The following RIT2 variants were observed in gnomAD, a reference collection of about 807,000 sequenced individuals.
RIT2 encodes the protein Ras like without CAAX 2.
Under a neutral mutation model 23.7 loss-of-function variants are expected in RIT2, and 24 were observed. That is an observed-to-expected ratio of 1.01 (90% CI 0.73 to 1.43). The LOEUF is 1.43. RIT2 is among the 40% of genes most tolerant of loss of function. The pLI is 0.00. For missense variants in RIT2, 236 were observed against 266.9 expected, an observed-to-expected ratio of 0.88 and a Z score of 0.81; for synonymous variants, 107 against 91.1, an observed-to-expected ratio of 1.17 and a Z score of -0.99.
At chr18:42,948,973 GT>G in intron 3 of RIT2, 1 of 397,602 alleles carries the variant, frequency 2.5e-6, no homozygotes, top group Non-Finnish European at 4.4e-6. Flanking sequence ...AGCTTCATTG[GT>G]TTTTCAACTT....
chr18:42,948,660 C>T (rs149034220), intron 3 of RIT2, among the ~76,000 whole-genome samples: 477 of 152,200 alleles, frequency 3.1e-3, no homozygotes, highest in Non-Finnish European at 5.2e-3. Flanking sequence ...TTTGTTAATA[C>T]ATCCTTATCC....
chr18:42,994,663 G>A (rs187330536), intron 2 of RIT2, among the ~76,000 whole-genome samples: 3 of 152,128 alleles, frequency 2.0e-5, no homozygotes, highest in African/African-American at 2.4e-5. Context: ...CACAAGGACC[G>A]GGATCGCGTC....
At chr18:42,827,471 CAAACGCTTTTTTTA>C (rs1307441438) in intron 4 of RIT2, among the ~76,000 whole-genome samples, 1 of 151,614 alleles carries the variant, frequency 6.6e-6, no homozygotes, top group Non-Finnish European at 1.5e-5. Flanking sequence ...GTACAAAAAT[CAAACGCTTTTTTTA>C]AAACAAAGGA....
intron 4 of RIT2, among the ~76,000 whole-genome samples, chr18:42,833,490 T>A (rs1906517261): frequency 6.6e-6 from 1 of 152,204 alleles, no homozygotes; most frequent in African/African-American, 2.4e-5. Context: ...TCTTGTCTTT[T>A]TGAAAGAGAG....
At chr18:43,003,816 A>T in intron 2 of RIT2, among the ~76,000 whole-genome samples, 1 of 144,404 alleles carries the variant, frequency 6.9e-6, no homozygotes, top group Non-Finnish European at 1.5e-5. Context: ...ACACATTAAT[A>T]TTGCTCTCCT....
At position 43,033,837 on chromosome 18, in the gene RIT2, A is replaced by ATGACTGATG; in HGVS notation, c.133_134insCATCAGTCA (p.Phe45delinsSerSerValIle). On this transcript the variant is annotated protein_altering_variant, in exon 2 of 5. Transcript: ENST00000326695. ...TATAGTAGGGTCATGATAATCAGGG[A>ATGACTGATG]ACTGATGACTAATAAACTGCATTGT... The ATGACTGATG allele has an allele frequency of 1.2e-6, 2 of 1,609,672 alleles. No individual in the cohort carries two copies. Among genetic ancestry groups the ATGACTGATG allele is most frequent in the Non-Finnish European group, 1.7e-6 (2 of 1,176,780 alleles).
chr18:42,860,622 A>G (rs530502662), intron 4 of RIT2, among the ~76,000 whole-genome samples: 2 of 152,302 alleles, frequency 1.3e-5, no homozygotes, highest in South Asian at 4.1e-4. Flanking sequence ...TAGACTGAGA[A>G]TACCCTCTCT....
intron 4 of RIT2, among the ~76,000 whole-genome samples, chr18:42,824,028 T>G (rs1320775555): frequency 1.3e-5 from 2 of 152,142 alleles, no homozygotes; most frequent in Admixed American, 1.3e-4. Context: ...TCAGACAGTT[T>G]CCACTCATTT....
intron 3 of RIT2, among the ~76,000 whole-genome samples, chr18:42,949,251 G>A (rs1470023932): frequency 2.0e-5 from 3 of 152,016 alleles, no homozygotes; most frequent in African/African-American, 7.2e-5. Context: ...GAGGATGACG[G>A]GGAACTCTCT....
At chr18:42,773,761 A>G (rs927886958) in intron 4 of RIT2, among the ~76,000 whole-genome samples, 5 of 152,194 alleles carry the variant, frequency 3.3e-5, no homozygotes, top group Non-Finnish European at 7.4e-5. Context: ...CAATCAAGGA[A>G]GTTGAAGAAA....
intron 2 of RIT2, among the ~76,000 whole-genome samples, chr18:43,026,711 A>G (rs905950193): frequency 5.5e-4 from 84 of 151,550 alleles, no homozygotes; most frequent in Non-Finnish European, 2.8e-4. Flanking sequence ...ACCAGAAGTC[A>G]GCTTTGAACA....
intron 4 of RIT2, among the ~76,000 whole-genome samples, chr18:42,853,182 G>A (rs184215025): frequency 2.2e-4 from 34 of 152,184 alleles, no homozygotes; most frequent in Non-Finnish European, 4.6e-4. Flanking sequence ...GACACCTGTC[G>A]TGTATGCATA....
At chr18:42,832,872 G>A (rs1227343866) in intron 4 of RIT2, among the ~76,000 whole-genome samples, 3 of 151,780 alleles carry the variant, frequency 2.0e-5, no homozygotes, top group Non-Finnish European at 4.4e-5. Flanking sequence ...GGCCAACAAG[G>A]CGAAACCCCG....
At chr18:42,905,627 C>G (rs1165188938) in intron 4 of RIT2, among the ~76,000 whole-genome samples, 1 of 152,108 alleles carries the variant, frequency 6.6e-6, no homozygotes, top group Non-Finnish European at 1.5e-5. Flanking sequence ...TGCCCACCAC[C>G]ATGCCTGGCT....
At chr18:42,841,616 A>C (rs1906769268) in intron 4 of RIT2, among the ~76,000 whole-genome samples, 1 of 152,188 alleles carries the variant, frequency 6.6e-6, no homozygotes. Flanking sequence ...CCCTAAGCTT[A>C]TATCAAGAAC....
At chr18:42,904,052 T>A (rs1598708009) in intron 4 of RIT2, among the ~76,000 whole-genome samples, 1 of 152,222 alleles carries the variant, frequency 6.6e-6, no homozygotes, top group African/African-American at 2.4e-5. Context: ...TAATACTATA[T>A]AGGAAGATAA....
chr18:43,048,633 TAAAC>T (rs1245882864), intron 1 of RIT2, among the ~76,000 whole-genome samples: 6 of 152,204 alleles, frequency 3.9e-5, no homozygotes, highest in Admixed American at 1.3e-4. Flanking sequence ...AAGTTCTTGA[TAAAC>T]ATTTACTGAG....
intron 1 of RIT2, among the ~76,000 whole-genome samples, chr18:43,045,541 G>A (rs931087661): frequency 4.6e-5 from 7 of 152,136 alleles, no homozygotes; most frequent in African/African-American, 1.2e-4. Context: ...TAAGGCACCC[G>A]TGATTTAAGT....
At chr18:43,079,394 C>T (rs146889170) in intron 1 of RIT2, among the ~76,000 whole-genome samples, 147 of 152,154 alleles carry the variant, frequency 9.7e-4, no homozygotes, top group African/African-American at 3.3e-3. Context: ...ATTTCTATTC[C>T]GCTATAAACA....
Sources: gnomAD v4.1 joint callset for allele counts (sites outside exome capture counted in the v4.1 genomes callset) on GRCh38, gnomAD v4.1.1 for gene constraint, MANE v1.5 for transcripts, NCBI Gene and HGNC (gene_info 2026-07-23, HGNC 2026-07-21) for gene names.